The following REEP1 variants were observed in gnomAD, a reference collection of about 807,000 sequenced individuals.
REEP1 encodes receptor expression-enhancing protein 1.
A neutral mutation model predicts 40.3 loss-of-function variants in REEP1; 22 were observed. That is an observed-to-expected ratio of 0.55 (90% confidence interval 0.39 to 0.78). The LOEUF is 0.78. REEP1 is among the 30% of genes least tolerant of loss of function. The pLI is 0.00. For missense variants in REEP1, 280 were observed against 361.1 expected, an observed-to-expected ratio of 0.78 and a Z score of 1.82; for synonymous variants, 116 against 139.2, an observed-to-expected ratio of 0.83 and a Z score of 1.17.
Position 86,328,030 on chromosome 2 carries a change from G to C in REEP1, c.32+9449C>G, listed in dbSNP as rs563648224. Reference sequence around the variant, plus strand: ...TAGACAGGCGAGTATTTTGAAGGCAGAGCTAGGAGAACTTGCTGAGAGCCT... The same window carrying C: ...TAGACAGGCGAGTATTTTGAAGGCACAGCTAGGAGAACTTGCTGAGAGCCT... On this transcript the variant is annotated intron_variant, in intron 1 of 8. Transcript: ENST00000538924. Among the ~76,000 whole-genome samples, 175 of 152,282 alleles carry C rather than the reference G, an allele frequency of 1.1e-3. 2 individuals carry two copies. Among genetic ancestry groups the C allele is most frequent in the Non-Finnish European group, 1.1e-3 (73 of 68,004 alleles).
chr2:86,294,722 T>TTTAGA (rs1678890121), intron 1 of REEP1, among the ~76,000 whole-genome samples: 1 of 108,484 alleles, frequency 9.2e-6, no homozygotes, highest in East Asian at 2.6e-4. Flanking sequence ...AGATTTATAT[T>TTTAGA]TTAGATAGAT....
chr2:86,222,628 C>A (rs1674489131), intron 7 of REEP1, among the ~76,000 whole-genome samples: 1 of 152,228 alleles, frequency 6.6e-6, no homozygotes, highest in African/African-American at 2.4e-5. Flanking sequence ...AGCCAGGTGT[C>A]TCAACAGTCT....
chr2:86,294,950 T>G (rs1678904643), intron 1 of REEP1, among the ~76,000 whole-genome samples: 1 of 152,134 alleles, frequency 6.6e-6, no homozygotes, highest in South Asian at 2.1e-4. Context: ...ATGTCCCACC[T>G]GCCCACAGAA....
intron 2 of REEP1, among the ~76,000 whole-genome samples, chr2:86,269,268 A>G (rs1677310576): frequency 6.6e-6 from 1 of 152,210 alleles, no homozygotes; most frequent in South Asian, 2.1e-4. Flanking sequence ...TAGGCTCATA[A>G]TAAAGTCAAC....
At chr2:86,218,003 C>T (rs933746430) in intron 8 of REEP1, among the ~76,000 whole-genome samples, 7 of 152,058 alleles carry the variant, frequency 4.6e-5, no homozygotes, top group African/African-American at 1.4e-4. Flanking sequence ...CCTTGGCCCC[C>T]GTGTCTGTCC....
At chr2:86,332,985 A>T (rs1374698817) in intron 1 of REEP1, among the ~76,000 whole-genome samples, 3 of 152,210 alleles carry the variant, frequency 2.0e-5, no homozygotes, top group African/African-American at 7.2e-5. Flanking sequence ...GGACTGTGAT[A>T]GTGAGTCAGA....
intron 1 of REEP1, among the ~76,000 whole-genome samples, chr2:86,284,767 C>T (rs1402032403): frequency 6.6e-6 from 1 of 152,104 alleles, no homozygotes. Context: ...GTCGTGACAC[C>T]CTCTGAATGG....
rs761938198 is a variant in REEP1 at position 86,251,860 on chromosome 2, T to C, written c.417+97A>G. The C allele has an allele frequency of 9.2e-5, 80 of 866,066 alleles. No individual in the cohort carries two copies. The Middle Eastern group carries it at 2.0e-3, about 22-fold the overall frequency. 53.6% of individuals were successfully genotyped at this position (866,066 alleles called of 1,614,324 possible). A position where few individuals can be genotyped will look rare whatever the true frequency, so the allele number is the denominator to read the frequency against. On this transcript the variant is annotated intron_variant, in intron 5 of 8. Coordinates refer to ENST00000538924, the MANE Select transcript of REEP1 (RefSeq NM_001371279.1). ...CCCCTAAAAGATGAAAAACCACTGA[T>C]TGGTCCTTAGCCTGTTCTGTGTGGT...
chr2:86,224,950 C>T (rs552621192), intron 7 of REEP1, among the ~76,000 whole-genome samples: 2 of 152,376 alleles, frequency 1.3e-5, no homozygotes, highest in South Asian at 4.1e-4. Context: ...AAGTGCCAAT[C>T]TCCCAGAATT....
At chr2:86,333,903 G>A (rs757850044) in intron 1 of REEP1, among the ~76,000 whole-genome samples, 7 of 152,190 alleles carry the variant, frequency 4.6e-5, no homozygotes, top group Non-Finnish European at 1.0e-4. Context: ...AGGAAGTTAG[G>A]AGAAAGAGAG....
chr2:86,227,329 C>T, intron 7 of REEP1, 34 bp downstream of exon 7: 1 of 1,232,254 alleles, frequency 8.1e-7, no homozygotes, highest in Non-Finnish European at 1.0e-6. Flanking sequence ...AGTGAGAGTC[C>T]AGCACGCTGC....
At chr2:86,336,323 G>A (rs777418779) in intron 1 of REEP1, among the ~76,000 whole-genome samples, 13 of 152,178 alleles carry the variant, frequency 8.5e-5, no homozygotes, top group Non-Finnish European at 1.9e-4. Flanking sequence ...CCTGAATGGT[G>A]GCGGGAGACA....
upstream of REEP1, chr2:86,337,877 G>T: frequency 2.2e-6 from 2 of 894,938 alleles, no homozygotes; most frequent in Non-Finnish European, 3.4e-6. This position sits in a 1 kb window ranked among gnomAD's most constrained non-coding sequence, Gnocchi z 5.8. Flanking sequence ...CGTTTGCAGG[G>T]CAGGGACCCG....
chr2:86,309,992 C>T (rs752874388), intron 1 of REEP1, among the ~76,000 whole-genome samples: 4 of 152,118 alleles, frequency 2.6e-5, no homozygotes, highest in Admixed American at 1.3e-4. Context: ...TCGTGCAGCA[C>T]AAACAAGGCT....
chr2:86,302,353 T>C (rs918144551), intron 1 of REEP1, among the ~76,000 whole-genome samples: 3 of 152,198 alleles, frequency 2.0e-5, no homozygotes, highest in Non-Finnish European at 4.4e-5. Context: ...AATGAAGCCA[T>C]TGGTGCTTCG....
At chr2:86,264,083 G>T in intron 2 of REEP1, 42 bp from the exon 3 acceptor site, 1 of 1,479,254 alleles carries the variant, frequency 6.8e-7, no homozygotes. Flanking sequence ...AAAAGGTCCA[G>T]GAAAAACACT....
At chr2:86,281,623 G>A (rs1296948816) in intron 2 of REEP1, among the ~76,000 whole-genome samples, 2 of 152,036 alleles carry the variant, frequency 1.3e-5, no homozygotes, top group African/African-American at 2.4e-5. Context: ...GTGAGACTCC[G>A]GCTCAAAAAA....
intron 2 of REEP1, among the ~76,000 whole-genome samples, chr2:86,278,438 C>T (rs1677885058): frequency 6.6e-6 from 1 of 152,166 alleles, no homozygotes; most frequent in South Asian, 2.1e-4. Flanking sequence ...GAGCTGGACT[C>T]AGCAACTTAC....
chr2:86,302,665 A>T (rs1486419640), intron 1 of REEP1, among the ~76,000 whole-genome samples: 2 of 152,164 alleles, frequency 1.3e-5, no homozygotes, highest in African/African-American at 4.8e-5. Flanking sequence ...GGTCACTAAA[A>T]TCTTATCTTA....
Sources: allele counts gnomAD v4.1 joint callset (sites outside exome capture counted in the v4.1 genomes callset), GRCh38; gene constraint gnomAD v4.1.1; non-coding constraint Gnocchi (gnomAD v3.1); transcripts MANE v1.5; gene names NCBI Gene and HGNC (gene_info 2026-07-23, HGNC 2026-07-21).